The following CSMD1 variants were observed in gnomAD, a reference collection of about 807,000 sequenced individuals.
CSMD1 encodes the protein CUB and Sushi multiple domains 1.
CSMD1 carries 213 observed loss-of-function variants against 417.5 expected under a neutral mutation model. That is an observed-to-expected ratio of 0.51 (90% CI 0.46 to 0.57). CSMD1 has a LOEUF of 0.57. Among genes scored for constraint, CSMD1 ranks in the 20% least tolerant of loss-of-function variants. CSMD1 has a pLI of 0.00. For synonymous variants in CSMD1, 2,862 were observed against 1,736.8 expected (o/e 1.65, Z -16.11); for missense variants, 6,923 against 4,529.7 (o/e 1.53, Z -15.17).
chr8:4,791,563 G>C (rs1797691264), intron 1 of CSMD1, among the ~76,000 whole-genome samples: 1 of 152,072 alleles, frequency 6.6e-6, no homozygotes, highest in Non-Finnish European at 1.5e-5. Flanking sequence ...TCTCTTTTTG[G>C]CTAGAAACTA....
chr8:3,725,920 T>G (rs900469461), intron 6 of CSMD1, among the ~76,000 whole-genome samples: 2 of 152,138 alleles, frequency 1.3e-5, no homozygotes, highest in African/African-American at 4.8e-5. Context: ...CTTTCTTTGA[T>G]AGTGGCCTGG....
At position 4,568,776 on chromosome 8, in the gene CSMD1, G is replaced by A. The variant is rs140205408; in HGVS notation, c.302+68566C>T. Among the ~76,000 whole-genome samples, 169 of 152,182 alleles carry A rather than the reference G, an allele frequency of 1.1e-3. 1 individual carries two copies. Among genetic ancestry groups the A allele is most frequent in the African/African-American group, 3.7e-3 (153 of 41,522 alleles). ...CTCCTAATTCTCCATAACCTCTCCA[G>A]CATCTGTTATTTCCTGACTTTTTAA... is the stretch of plus-strand genomic sequence containing the variant. On this transcript the variant is annotated intron_variant, in intron 2 of 69. Transcript: ENST00000635120.
At chr8:3,223,034 C>T (rs1229470153) in intron 28 of CSMD1, among the ~76,000 whole-genome samples, 1 of 152,136 alleles carries the variant, frequency 6.6e-6, no homozygotes, top group Non-Finnish European at 1.5e-5. Context: ...AATGACTCAC[C>T]TTCATAAACA....
intron 3 of CSMD1, among the ~76,000 whole-genome samples, chr8:4,179,279 C>G (rs1295926665): frequency 1.3e-5 from 2 of 152,104 alleles, no homozygotes; most frequent in Non-Finnish European, 2.9e-5. Flanking sequence ...TGCCACGTAT[C>G]TACAACTATC....
At chr8:4,740,923 C>T (rs1452157564) in intron 1 of CSMD1, among the ~76,000 whole-genome samples, 1 of 151,618 alleles carries the variant, frequency 6.6e-6, no homozygotes, top group Non-Finnish European at 1.5e-5. Flanking sequence ...TTTAAAGTTT[C>T]AAAACAAAAA....
intron 1 of CSMD1, among the ~76,000 whole-genome samples, chr8:4,706,384 C>A (rs991394468): frequency 1.3e-5 from 2 of 152,120 alleles, no homozygotes; most frequent in African/African-American, 2.4e-5. Context: ...ACTACGTTAT[C>A]TGCAGACAAA....
intron 7 of CSMD1, among the ~76,000 whole-genome samples, chr8:3,679,010 C>A (rs111763311): frequency 6.6e-6 from 1 of 152,112 alleles, no homozygotes; most frequent in East Asian, 1.9e-4. Flanking sequence ...CACCAGACCT[C>A]CCCTAAAAGA....
chr8:4,917,498 G>A (rs747246118), intron 1 of CSMD1, among the ~76,000 whole-genome samples: 1 of 152,130 alleles, frequency 6.6e-6, no homozygotes, highest in Non-Finnish European at 1.5e-5. Flanking sequence ...GCCGGGCATG[G>A]TGGCGGGTGC....
chr8:3,603,857 A>G (rs1000363619), intron 8 of CSMD1, among the ~76,000 whole-genome samples: 32 of 152,222 alleles, frequency 2.1e-4, no homozygotes, highest in African/African-American at 7.2e-4. Context: ...TTTTTCTTCT[A>G]GTTGTACATA....
intron 23 of CSMD1, among the ~76,000 whole-genome samples, chr8:3,336,009 C>T (rs908311821): frequency 6.6e-6 from 1 of 152,042 alleles, no homozygotes; most frequent in African/African-American, 2.4e-5. Context: ...AATCCTTAAG[C>T]CTAGAAAACA....
intron 17 of CSMD1, among the ~76,000 whole-genome samples, chr8:3,393,742 A>G (rs1405161640): frequency 3.3e-5 from 5 of 151,992 alleles, no homozygotes; most frequent in Non-Finnish European, 5.9e-5. Flanking sequence ...GGCAAAGACA[A>G]AAAACCAAAC....
At chr8:4,307,749 A>G (rs1005732266) in intron 3 of CSMD1, among the ~76,000 whole-genome samples, 2 of 152,190 alleles carry the variant, frequency 1.3e-5, no homozygotes, top group Non-Finnish European at 2.9e-5. Context: ...ATGGGCAACC[A>G]GAGAGTTTAT....
chr8:4,808,411 A>T (rs1177135526), intron 1 of CSMD1, among the ~76,000 whole-genome samples: 1 of 152,214 alleles, frequency 6.6e-6, no homozygotes, highest in Non-Finnish European at 1.5e-5. Context: ...ATTCAAAGGA[A>T]AAAGACGGAA....
At chr8:4,867,278 A>C (rs1049149217) in intron 1 of CSMD1, among the ~76,000 whole-genome samples, 1 of 152,064 alleles carries the variant, frequency 6.6e-6, no homozygotes, top group African/African-American at 2.4e-5. Flanking sequence ...CTCCCTACTC[A>C]TCAATGTGCT....
chr8:3,120,708 G>C (rs973138426), intron 41 of CSMD1, among the ~76,000 whole-genome samples: 1 of 151,542 alleles, frequency 6.6e-6, no homozygotes, highest in Non-Finnish European at 1.5e-5. Context: ...TTAGCCAGGG[G>C]GGGTGACCGG....
chr8:3,961,905 T>C (rs1277796012), intron 5 of CSMD1, among the ~76,000 whole-genome samples: 3 of 152,204 alleles, frequency 2.0e-5, no homozygotes, highest in South Asian at 2.1e-4. Flanking sequence ...TCTTGAGTCA[T>C]TGCTCAAAAA....
intron 69 of CSMD1, among the ~76,000 whole-genome samples, chr8:2,939,425 A>T (rs560395598): frequency 2.4e-4 from 37 of 152,324 alleles, no homozygotes; most frequent in Admixed American, 7.8e-4. Flanking sequence ...TCATTATTAA[A>T]CTGTTGTCAC....
At chr8:4,297,786 C>T (rs1179717246) in intron 3 of CSMD1, among the ~76,000 whole-genome samples, 1 of 152,112 alleles carries the variant, frequency 6.6e-6, no homozygotes, top group Non-Finnish European at 1.5e-5. Context: ...TGATACATTT[C>T]AAAAGGATTT....
At chr8:4,134,993 C>G (rs997422764) in intron 3 of CSMD1, among the ~76,000 whole-genome samples, 3 of 152,156 alleles carry the variant, frequency 2.0e-5, no homozygotes, top group African/African-American at 7.2e-5. Flanking sequence ...TCTGGGTTCT[C>G]TTCTGCCTCT....
Sources: gnomAD v4.1 joint callset for allele counts (sites outside exome capture counted in the v4.1 genomes callset) on GRCh38, gnomAD v4.1.1 for gene constraint, MANE v1.5 for transcripts, NCBI Gene and HGNC (gene_info 2026-07-23, HGNC 2026-07-21) for gene names.